TYW1B: variants seen among roughly 807,000 people sequenced by gnomAD.
TYW1B encodes the protein S-adenosyl-L-methionine-dependent tRNA 4-demethylwyosine synthase TYW1B.
TYW1B carries 73 observed loss-of-function variants against 86.9 expected under a neutral mutation model. The observed-to-expected ratio is 0.84, with a 90% CI of 0.70 to 1.02. The LOEUF (loss-of-function observed/expected upper bound fraction) is 1.02. TYW1B is among the 50% of genes least tolerant of loss of function. The pLI, the probability that TYW1B is intolerant of heterozygous loss-of-function variation, is 0.00. For missense variants in TYW1B, 637 were observed against 827.4 expected (o/e 0.77, Z 2.82); for synonymous variants, 248 against 292.8 (o/e 0.85, Z 1.56).
chr7:72,665,113 C>T (rs1813430108), intron 11 of TYW1B, among the ~76,000 whole-genome samples: 1 of 152,180 alleles, frequency 6.6e-6, no homozygotes, highest in African/African-American at 2.4e-5. Context: ...ACCTATTTCC[C>T]AGTCTCCCTC....
rs1341331473 is a variant in TYW1B, at chr7:72,722,865, G to A, written c.1192+5957C>T. 19 of 626,302 alleles carry A rather than the reference G, an allele frequency of 3.0e-5. No individual in the cohort carries two copies. The African/African-American group carries it at 3.2e-4, about 11-fold the overall frequency. 38.8% of individuals were successfully genotyped at this position (626,302 alleles called of 1,614,324 possible). A position where few individuals can be genotyped will look rare whatever the true frequency, so the allele number is the denominator to read the frequency against. On this transcript the variant is annotated intron_variant, in intron 9 of 13. Coordinates refer to ENST00000620995, the MANE Select transcript of TYW1B (RefSeq NM_001145440.3). ...AAAGGACTCTCCAAGCCAGAGTGAGGTAAATAATTAATGAGCATTCCTGTC... is the reference window on the plus strand; with the variant it reads ...AAAGGACTCTCCAAGCCAGAGTGAGATAAATAATTAATGAGCATTCCTGTC...
At chr7:72,751,925 C>G (rs1787507926) in intron 7 of TYW1B, among the ~76,000 whole-genome samples, 1 of 152,240 alleles carries the variant, frequency 6.6e-6, no homozygotes, top group Non-Finnish European at 1.5e-5. Context: ...GAGGGAGGGG[C>G]TCCTCCAGAC....
chr7:72,714,902 G>A (rs563289852), intron 9 of TYW1B, among the ~76,000 whole-genome samples: 1 of 152,314 alleles, frequency 6.6e-6, no homozygotes, highest in African/African-American at 2.4e-5. Flanking sequence ...GGGCAACAGA[G>A]TGAGACTCCG....
chr7:72,695,062 T>C (rs1298032304), intron 10 of TYW1B, among the ~76,000 whole-genome samples: 1 of 152,106 alleles, frequency 6.6e-6, no homozygotes, highest in Admixed American at 6.6e-5. Context: ...TTACTTAAAA[T>C]TGGCCCTTCT....
intron 13 of TYW1B, among the ~76,000 whole-genome samples, chr7:72,611,358 T>C (rs1811927426): frequency 6.6e-6 from 1 of 152,152 alleles, no homozygotes; most frequent in South Asian, 2.1e-4. Flanking sequence ...TCACCTTGAA[T>C]GGCAGTTCCC....
chr7:72,632,346 T>TATA (rs1563038541), intron 11 of TYW1B, among the ~76,000 whole-genome samples: 16 of 103,552 alleles, frequency 1.5e-4, no homozygotes, highest in African/African-American at 6.9e-4. Flanking sequence ...CGTATATATA[T>TATA]TATATATATT....
At chr7:72,719,632 A>G (rs1362838212) in intron 9 of TYW1B, among the ~76,000 whole-genome samples, 653 of 16,744 alleles carry the variant, frequency 0.039, 1 homozygote, top group Non-Finnish European at 0.09. Context: ...TTCCGTCTCC[A>G]AAAAAAAAAA....
In TYW1B at chr7:72,574,805, C is replaced by A; in HGVS notation, c.*693G>T. 1.0e-6 allele frequency: 1 copy of A among 985,310 alleles called. No homozygotes were observed. Among genetic ancestry groups the A allele is most frequent in the Non-Finnish European group, 1.2e-6 (1 of 829,900 alleles). The allele number at this position is 985,310 out of a possible 1,614,324, so 61.0% of individuals were successfully genotyped here. ...TAATGACTCCATGCCCTCACATGGC[C>A]ACTCCTCTTACAGCAGACAGCTTCA... On this transcript the variant is annotated 3_prime_UTR_variant, in exon 14 of 14. Coordinates refer to ENST00000620995, the MANE Select transcript of TYW1B (RefSeq NM_001145440.3).
chr7:72,647,421 T>C (rs556711898), intron 11 of TYW1B, among the ~76,000 whole-genome samples: 1 of 152,336 alleles, frequency 6.6e-6, no homozygotes, highest in Non-Finnish European at 1.5e-5. Context: ...ATTCTAGCTT[T>C]ATAATAATGA....
intron 12 of TYW1B, among the ~76,000 whole-genome samples, chr7:72,625,075 AT>A (rs1323917155): frequency 2.1e-5 from 3 of 145,502 alleles, no homozygotes; most frequent in African/African-American, 7.9e-5. Flanking sequence ...AAAAAAAAAA[AT>A]TTAATTGTGG....
intron 10 of TYW1B, among the ~76,000 whole-genome samples, chr7:72,699,846 C>T (rs1554452157): frequency 6.6e-6 from 1 of 151,988 alleles, no homozygotes; most frequent in South Asian, 2.1e-4. Context: ...GATGGGGTTT[C>T]GCCATGTTGG....
At chr7:72,622,067 G>A (rs1812231138) in intron 12 of TYW1B, among the ~76,000 whole-genome samples, 1 of 152,180 alleles carries the variant, frequency 6.6e-6, no homozygotes, top group Non-Finnish European at 1.5e-5. Flanking sequence ...ATGCTAGGCA[G>A]AGAACACACA....
chr7:72,671,244 T>C (rs1813593772), intron 11 of TYW1B, among the ~76,000 whole-genome samples: 1 of 152,172 alleles, frequency 6.6e-6, no homozygotes, highest in Non-Finnish European at 1.5e-5. Flanking sequence ...TTCTGACAGT[T>C]GTCCTTTTTA....
Position 72,663,447 on chromosome 7 carries a change from G to T in TYW1B, c.1506+31240C>A, listed in dbSNP as rs1177859667. 2.0e-5 allele frequency among the ~76,000 whole-genome samples: 3 copies of T among 152,022 alleles called. No individual in the cohort carries two copies. The South Asian group carries it at 6.2e-4, about 31-fold the overall frequency. On this transcript the variant is annotated intron_variant, in intron 11 of 13. Coordinates refer to ENST00000620995, the MANE Select transcript of TYW1B (RefSeq NM_001145440.3). ...CTAGGTGAAAATCCATGATCTATGT[G>T]ACCTAAAACAAATAAAAATCACTTT...
rs782226058 is a variant in TYW1B, at chr7:72,810,516, C to A, written c.387G>T (p.Ala129=). ...AGGCAGAATTTCCCAGGCCAAATAC[C>A]GCATCTCTCATACCCTTCAGGTAAG... ...GKTYLKGMRD[A]VFGLGNSAYA... is the part of the protein sequence containing the mutation. The change falls in exon 4 of 14, where the codon GCG becomes GCT. Residue 129 remains alanine (A), a synonymous_variant. Coordinates refer to ENST00000620995, the MANE Select transcript of TYW1B (RefSeq NM_001145440.3). The A allele has an allele frequency of 8.7e-6, 14 of 1,613,838 alleles. No homozygotes were observed. The Admixed American group carries it at 2.0e-4, about 23-fold the overall frequency.
rs545041045 is a variant in TYW1B at position 72,737,965 on chromosome 7, G to A, written c.1082+6519C>T. On this transcript the variant is annotated intron_variant, in intron 8 of 13. Coordinates refer to ENST00000620995, the MANE Select transcript of TYW1B (RefSeq NM_001145440.3). ...AATTTTTTCTATTTTTAGTGGAGAC[G>A]GAGTTTCACCGTGTTAGCCAGGATG... 9.2e-5 allele frequency among the ~76,000 whole-genome samples: 14 copies of A among 151,790 alleles called. No homozygotes were observed. The East Asian group carries it at 1.9e-3, about 21-fold the overall frequency.
intron 13 of TYW1B, among the ~76,000 whole-genome samples, chr7:72,608,532 G>A (rs1270580000): frequency 3.9e-5 from 6 of 152,138 alleles, no homozygotes; most frequent in African/African-American, 7.2e-5. Context: ...AAGTCTATAC[G>A]AAGAGATGCA....
At chr7:72,707,460 C>T (rs782550622) in intron 10 of TYW1B, among the ~76,000 whole-genome samples, 19 of 152,212 alleles carry the variant, frequency 1.2e-4, no homozygotes, top group Non-Finnish European at 2.4e-4. Context: ...GTGGTTGCAG[C>T]AAAAGAGAAC....
At chr7:72,746,251 T>C (rs1787392681) in intron 7 of TYW1B, among the ~76,000 whole-genome samples, 1 of 151,962 alleles carries the variant, frequency 6.6e-6, no homozygotes. Context: ...AAAAAAAAAG[T>C]TTCCCTGTCC....
Sources: allele counts gnomAD v4.1 joint callset (sites outside exome capture counted in the v4.1 genomes callset), GRCh38; gene constraint gnomAD v4.1.1; transcripts MANE v1.5; gene names NCBI Gene and HGNC (gene_info 2026-07-23, HGNC 2026-07-21).